Variants in GPC5 observed in about 807,000 individuals in gnomAD.
GPC5 encodes the protein glypican-5.
In GPC5, 47 loss-of-function variants were observed where a neutral mutation model predicts 53.9. The observed-to-expected ratio is 0.87, with a 90% confidence interval of 0.69 to 1.11. The LOEUF (loss-of-function observed/expected upper bound fraction) is 1.11. Among genes scored for constraint, GPC5 ranks in the 50% most tolerant of loss-of-function variants. The pLI is 0.00. For missense variants in GPC5, 748 were observed against 713.1 expected (o/e 1.05, Z -0.56); for synonymous variants, 286 against 263.3 (o/e 1.09, Z -0.84).
Position 91,514,154 on chromosome 13 carries a change from A to G in GPC5, c.325+65232A>G, listed in dbSNP as rs544384755. On this transcript the variant is annotated intron_variant, in intron 2 of 7. Transcript: ENST00000377067. ...GAATATAAGCTTTCATTTCTCTGGT[A>G]TAAATTCCCAAGAGGAAAATTGTTG... Among the ~76,000 whole-genome samples the G allele has an allele frequency of 4.6e-5, 7 of 152,320 alleles. No homozygotes were observed. The South Asian group carries it at 1.4e-3, about 32-fold the overall frequency.
At chr13:91,455,088 A>G (rs1881446523) in intron 2 of GPC5, among the ~76,000 whole-genome samples, 1 of 152,096 alleles carries the variant, frequency 6.6e-6, no homozygotes, top group Admixed American at 6.6e-5. Flanking sequence ...TCATTTTTAT[A>G]AATATGTGAC....
intron 7 of GPC5, among the ~76,000 whole-genome samples, chr13:92,415,538 AG>A (rs1876248214): frequency 6.6e-6 from 1 of 152,202 alleles, no homozygotes; most frequent in Non-Finnish European, 1.5e-5. Flanking sequence ...GCTGAGGACT[AG>A]GGTTTTGCAG....
chr13:91,731,138 T>C (rs1952192604), intron 4 of GPC5, among the ~76,000 whole-genome samples: 1 of 152,212 alleles, frequency 6.6e-6, no homozygotes, highest in South Asian at 2.1e-4. Context: ...CTGTCCTTAC[T>C]AATTGGTAAG....
intron 7 of GPC5, among the ~76,000 whole-genome samples, chr13:92,663,866 A>ATATATATATG (rs1886466980): frequency 1.6e-4 from 1 of 6,394 alleles, no homozygotes; most frequent in African/African-American, 2.8e-4. Flanking sequence ...CTATATATAT[A>ATATATATATG]TATATATATA....
chr13:92,138,488 C>T lies in GPC5; in HGVS notation c.1402-6342C>T, dbSNP rs897381114. Among the ~76,000 whole-genome samples, 7 of 151,448 alleles carry T rather than the reference C, an allele frequency of 4.6e-5. No homozygotes were observed. The South Asian group carries it at 1.3e-3, about 27-fold the overall frequency. ...TGAGCCGAGATCACACCGCTGCGCT[C>T]CAGGCTGGGTGACAGAGCCAGACTC... is the stretch of plus-strand genomic sequence containing the variant. On this transcript the variant is annotated intron_variant, in intron 6 of 7. Transcript: ENST00000377067.
At chr13:92,485,904 T>C (rs1046749910) in intron 7 of GPC5, among the ~76,000 whole-genome samples, 1 of 152,084 alleles carries the variant, frequency 6.6e-6, no homozygotes, top group Non-Finnish European at 1.5e-5. Flanking sequence ...AGGCAGAGGT[T>C]GCAGTGAGCT....
intron 6 of GPC5, among the ~76,000 whole-genome samples, chr13:92,008,314 G>C (rs1242675054): frequency 6.6e-6 from 1 of 151,968 alleles, no homozygotes; most frequent in African/African-American, 2.4e-5. Flanking sequence ...CGCCCGCCTC[G>C]GCCTCCCAAA....
chr13:91,931,210 G>T (rs941141284), intron 6 of GPC5, among the ~76,000 whole-genome samples: 1 of 151,914 alleles, frequency 6.6e-6, no homozygotes, highest in Non-Finnish European at 1.5e-5. Flanking sequence ...AGGCATTCCT[G>T]CATTGAGCTC....
At chr13:92,306,779 C>T (rs1177307082) in intron 7 of GPC5, among the ~76,000 whole-genome samples, 1 of 152,160 alleles carries the variant, frequency 6.6e-6, no homozygotes, top group Non-Finnish European at 1.5e-5. Flanking sequence ...CTCCTGTGCT[C>T]CTCATTCTAT....
intron 7 of GPC5, among the ~76,000 whole-genome samples, chr13:92,575,092 C>A (rs1019760485): frequency 1.3e-5 from 2 of 152,168 alleles, no homozygotes; most frequent in African/African-American, 4.8e-5. Context: ...CTTCTGCTCC[C>A]TTCTGGGCAA....
rs139328908 is a variant in GPC5, at chr13:91,574,639, T to C, written c.326-118548T>C. ...GAGTTGCTGGCAAGATGAAGTACAC[T>C]ATATATGCATGCCTAGCGTGTGCCA... On this transcript the variant is annotated intron_variant, in intron 2 of 7. Transcript: ENST00000377067. Among the ~76,000 whole-genome samples the C allele has an allele frequency of 6.3e-3, 962 of 152,252 alleles. 10 individuals are homozygous for C. The highest frequency in any genetic ancestry group is 0.022 in the African/African-American group (927 of 41,576).
intron 1 of GPC5, among the ~76,000 whole-genome samples, chr13:91,415,025 T>A (rs1878088399): frequency 2.0e-5 from 3 of 152,166 alleles, no homozygotes. Context: ...TCTTTTCCAG[T>A]CTTTGTCTGC....
chr13:92,814,600 G>A (rs1357203720), intron 7 of GPC5, among the ~76,000 whole-genome samples: 1 of 151,428 alleles, frequency 6.6e-6, no homozygotes, highest in African/African-American at 2.4e-5. Context: ...GCCAGAGGCT[G>A]CAGTGAGCCG....
chr13:91,920,769 GC>G (rs761972299), intron 6 of GPC5, among the ~76,000 whole-genome samples: 3 of 152,048 alleles, frequency 2.0e-5, no homozygotes, highest in Non-Finnish European at 4.4e-5. Context: ...CATAAAAAAT[GC>G]CTTCAAATTA....
chr13:92,684,660 G>C (rs1369792397), intron 7 of GPC5, among the ~76,000 whole-genome samples: 1 of 152,082 alleles, frequency 6.6e-6, no homozygotes, highest in African/African-American at 2.4e-5. Flanking sequence ...ATGTACCTTG[G>C]TTGTTTCTCT....
chr13:92,518,077 G>C (rs553225709), intron 7 of GPC5, among the ~76,000 whole-genome samples: 1 of 150,964 alleles, frequency 6.6e-6, no homozygotes, highest in African/African-American at 2.4e-5. Context: ...AAGGATATCA[G>C]TGAAAGAGTA....
At chr13:91,660,604 T>C (rs1051502989) in intron 2 of GPC5, among the ~76,000 whole-genome samples, 2 of 152,216 alleles carry the variant, frequency 1.3e-5, no homozygotes, top group African/African-American at 4.8e-5. Context: ...AACCACTAAA[T>C]TTTGGGATCA....
At chr13:92,517,647 C>T (rs915981462) in intron 7 of GPC5, among the ~76,000 whole-genome samples, 2 of 152,190 alleles carry the variant, frequency 1.3e-5, no homozygotes, top group African/African-American at 2.4e-5. Flanking sequence ...AACTAACAAA[C>T]AGAAAGGACA....
intron 7 of GPC5, among the ~76,000 whole-genome samples, chr13:92,279,866 T>C (rs79309190): frequency 0.029 from 4,384 of 152,232 alleles, 220 homozygotes; most frequent in African/African-American, 0.1. Flanking sequence ...AATATTTTTC[T>C]GTAGTTTTCT....
Sources: gnomAD v4.1 joint callset for allele counts (sites outside exome capture counted in the v4.1 genomes callset) on GRCh38, gnomAD v4.1.1 for gene constraint, MANE v1.5 for transcripts, NCBI Gene and HGNC (gene_info 2026-07-23, HGNC 2026-07-21) for gene names.